The following DYNC2I1 variants were observed in gnomAD, a reference collection of about 807,000 sequenced individuals.
The protein encoded by DYNC2I1 is cytoplasmic dynein 2 intermediate chain 1.
DYNC2I1 carries 89 observed loss-of-function variants against 133.4 expected under a neutral mutation model. The ratio of observed to expected loss-of-function variants is 0.67; its 90% CI spans 0.56 to 0.80. The LOEUF is 0.80. Among genes scored for constraint, DYNC2I1 ranks in the 30% least tolerant of loss-of-function variants. The pLI is 0.00. For missense variants in DYNC2I1, 1,291 were observed against 1,314.5 expected (o/e 0.98, Z 0.28); for synonymous variants, 504 against 484.3 (o/e 1.04, Z -0.54).
chr7:158,939,478 C>T (rs1398257012), intron 23 of DYNC2I1, among the ~76,000 whole-genome samples: 3 of 152,064 alleles, frequency 2.0e-5, no homozygotes, highest in Non-Finnish European at 2.9e-5. Flanking sequence ...ATACAAAAAC[C>T]TATAATAGCT....
chr7:158,847,208 G>T, the DYNC2I1 span, among the ~76,000 whole-genome samples: 7 of 152,104 alleles, frequency 4.6e-5, no homozygotes, highest in East Asian at 1.2e-3. Context: ...AGTAACCTCA[G>T]TTTTTTTCAC....
At position 158,923,713 on chromosome 7, in the gene DYNC2I1, G is replaced by A. The variant is rs767446363; in HGVS notation, c.2237G>A (p.Arg746Gln). The stretch of plus-strand genomic sequence containing the variant: ...CTGAGCGATGGCTTCTGGACGTTCC[G>A]GACCGCCACGTTTTCCACCGGTCAG... The part of the protein sequence containing the change: ...VTLSDGFWTF[R>Q]TATFSTDGIL... Residue 746 changes from arginine (R) to glutamine (Q), a missense_variant, in exon 17 of 25, where the codon CGG becomes CAG. Coordinates refer to ENST00000407559, the MANE Select transcript of DYNC2I1 (RefSeq NM_018051.5). The A allele has an allele frequency of 6.2e-6, 10 of 1,611,400 alleles. No individual in the cohort carries two copies. The highest frequency in any genetic ancestry group is 1.1e-5 in the South Asian group (1 of 90,798).
intron 1 of DYNC2I1, among the ~76,000 whole-genome samples, chr7:158,865,711 T>C (rs1025706379): frequency 1.1e-4 from 17 of 152,202 alleles, no homozygotes; most frequent in African/African-American, 3.9e-4. Flanking sequence ...TTTGGTTCCA[T>C]ACTTGGAGAG....
intron 4 of DYNC2I1, among the ~76,000 whole-genome samples, chr7:158,955,712 G>A (rs1390618328): frequency 2.0e-5 from 3 of 152,276 alleles, no homozygotes; most frequent in South Asian, 4.1e-4. Context: ...GACAGGGCCC[G>A]TGAGTTCCCC....
chr7:158,924,133 C>T (rs547149340), intron 17 of DYNC2I1, among the ~76,000 whole-genome samples: 1 of 152,316 alleles, frequency 6.6e-6, no homozygotes, highest in South Asian at 2.1e-4. Context: ...TGGCTTGACT[C>T]GGGTGGACAT....
In DYNC2I1 at chr7:158,881,516, C is replaced by T. The variant is rs934531605; in HGVS notation, c.879+1527C>T. ...TCGCCCAGGCTGGAGTGCAGTGGTG[C>T]GATCTCGGCTCACTGCAACCTTGGC... On this transcript the variant is annotated intron_variant, in intron 5 of 24. Transcript: ENST00000407559. Among the ~76,000 whole-genome samples the T allele has an allele frequency of 4.6e-5, 7 of 152,188 alleles. No individual in the cohort carries two copies. In the East Asian group the frequency reaches 9.7e-4, roughly 21 times the overall value.
intron 8 of DYNC2I1, among the ~76,000 whole-genome samples, chr7:158,901,131 C>T (rs1297482622): frequency 6.6e-6 from 1 of 152,058 alleles, no homozygotes; most frequent in Non-Finnish European, 1.5e-5. Flanking sequence ...TGTGCAGTGG[C>T]GCGATCTTGG....
intron 8 of DYNC2I1, among the ~76,000 whole-genome samples, chr7:158,899,979 T>C (rs1396154286): frequency 2.0e-5 from 3 of 152,222 alleles, no homozygotes; most frequent in African/African-American, 7.2e-5. Flanking sequence ...AGTCTTTATT[T>C]CTCCTTCACT....
At chr7:158,950,436 A>G (rs1852022591), downstream of DYNC2I1, among the ~76,000 whole-genome samples, 1 of 149,662 alleles carries the variant, frequency 6.7e-6, no homozygotes, top group Admixed American at 6.7e-5. Flanking sequence ...TCCAGGTGTG[A>G]TATACTGCAC....
chr7:158,958,622 A>AT (rs1226342110), downstream of DYNC2I1, among the ~76,000 whole-genome samples: 4 of 152,228 alleles, frequency 2.6e-5, no homozygotes, highest in Non-Finnish European at 5.9e-5. Flanking sequence ...GTTAAATAGA[A>AT]TGAGTTTCTA....
At chr7:158,954,780 C>T (rs751135771) in intron 4 of DYNC2I1, among the ~76,000 whole-genome samples, 1 of 152,174 alleles carries the variant, frequency 6.6e-6, no homozygotes, top group Non-Finnish European at 1.5e-5. Flanking sequence ...AATATTATAG[C>T]ATTTCTAGAG....
At chr7:158,876,214 G>C (rs910976550) in intron 3 of DYNC2I1, among the ~76,000 whole-genome samples, 30 of 152,076 alleles carry the variant, frequency 2.0e-4, no homozygotes, top group African/African-American at 7.0e-4. Context: ...GGAGAGAGTG[G>C]GGAGGTGCCA....
intron 14 of DYNC2I1, among the ~76,000 whole-genome samples, chr7:158,916,973 TCTACACGCTGGTTGACATTA>T (rs1253384664): frequency 1.7e-5 from 1 of 59,546 alleles, no homozygotes; most frequent in Non-Finnish European, 3.7e-5. Context: ...TTGTGAAACG[TCTACACGCTGGTTGACATTA>T]AGGATGATTG....
At chr7:158,874,947 A>G (rs965408933) in intron 3 of DYNC2I1, among the ~76,000 whole-genome samples, 2 of 152,054 alleles carry the variant, frequency 1.3e-5, no homozygotes, top group Non-Finnish European at 2.9e-5. Flanking sequence ...TGAGGTCACA[A>G]GACCTGGGAT....
the DYNC2I1 span, among the ~76,000 whole-genome samples, chr7:158,841,991 G>T: frequency 6.6e-6 from 1 of 152,146 alleles, no homozygotes; most frequent in South Asian, 2.1e-4. Context: ...TCCACGTCGT[G>T]TGTGACATTT....
chr7:158,914,383 GAAACA>G, intron 14 of DYNC2I1, 62 bp downstream of exon 14: 2 of 1,317,912 alleles, frequency 1.5e-6, no homozygotes, highest in South Asian at 2.7e-5. Context: ...ATTCTACATA[GAAACA>G]TAGGAGCTTT....
At chr7:158,919,399 A>G (rs932674797) in intron 15 of DYNC2I1, among the ~76,000 whole-genome samples, 4 of 152,254 alleles carry the variant, frequency 2.6e-5, no homozygotes, top group South Asian at 2.1e-4. Flanking sequence ...GTACAGTTGC[A>G]TGTAACTGTT....
intron 1 of DYNC2I1, among the ~76,000 whole-genome samples, chr7:158,869,049 G>A (rs1270102982): frequency 1.3e-5 from 2 of 152,334 alleles, no homozygotes; most frequent in Non-Finnish European, 2.9e-5. Flanking sequence ...CACAGCAGCA[G>A]GCTTAGTTCT....
chr7:158,872,089 G>T (rs1842939453), intron 3 of DYNC2I1, among the ~76,000 whole-genome samples: 1 of 152,116 alleles, frequency 6.6e-6, no homozygotes, highest in South Asian at 2.1e-4. Flanking sequence ...GCTGAGGTGG[G>T]AGGATCACTC....
Sources: gnomAD v4.1 joint callset for allele counts (sites outside exome capture counted in the v4.1 genomes callset) on GRCh38, gnomAD v4.1.1 for gene constraint, MANE v1.5 for transcripts, NCBI Gene and HGNC (gene_info 2026-07-23, HGNC 2026-07-21) for gene names.